The following STPG2 variants were observed in gnomAD, a reference collection of about 807,000 sequenced individuals.
STPG2 encodes sperm-tail PG-rich repeat-containing protein 2.
Under a neutral mutation model 54.2 loss-of-function variants are expected in STPG2, and 56 were observed. The observed-to-expected ratio is 1.03, with a 90% CI of 0.83 to 1.29. The LOEUF is 1.29. STPG2 is among the 50% of genes most tolerant of loss of function. The pLI is 0.00. For synonymous variants in STPG2, 200 were observed against 181.8 expected, an observed-to-expected ratio of 1.10 and a Z score of -0.81; for missense variants, 596 against 544.9, an observed-to-expected ratio of 1.09 and a Z score of -0.93.
At chr4:98,138,868 T>C (rs1441829662) in intron 1 of STPG2, among the ~76,000 whole-genome samples, 3 of 152,080 alleles carry the variant, frequency 2.0e-5, no homozygotes, top group Admixed American at 1.3e-4. Context: ...AGCTAACTAA[T>C]AGAGAACCAA....
chr4:97,941,168 G>C (rs182456084), intron 8 of STPG2, among the ~76,000 whole-genome samples: 5 of 151,942 alleles, frequency 3.3e-5, no homozygotes, highest in Admixed American at 2.6e-4. Context: ...TGCTAAGCTA[G>C]TACCTGACAT....
At chr4:97,746,643 G>C (rs1725427768) in intron 9 of STPG2, among the ~76,000 whole-genome samples, 1 of 151,188 alleles carries the variant, frequency 6.6e-6, no homozygotes, top group African/African-American at 2.4e-5. Context: ...AATCACAAAG[G>C]TATTAATGAC....
intron 8 of STPG2, among the ~76,000 whole-genome samples, chr4:97,847,148 A>C (rs1249662846): frequency 6.6e-6 from 1 of 152,160 alleles, no homozygotes; most frequent in Non-Finnish European, 1.5e-5. Context: ...ATATTCAGAA[A>C]ACTTTGTTTA....
chr4:97,948,949 G>T (rs973339239), intron 7 of STPG2, among the ~76,000 whole-genome samples: 1 of 151,770 alleles, frequency 6.6e-6, no homozygotes, highest in Non-Finnish European at 1.5e-5. Context: ...GAGTGTTTAA[G>T]ACCATTGTTT....
chr4:97,627,401 GTT>G (rs2148929545), intron 10 of STPG2, among the ~76,000 whole-genome samples: 1 of 152,126 alleles, frequency 6.6e-6, no homozygotes, highest in Non-Finnish European at 1.5e-5. Flanking sequence ...TTACAAAACT[GTT>G]TTTAAAAAAT....
At chr4:97,695,142 C>T (rs1026588006) in intron 10 of STPG2, among the ~76,000 whole-genome samples, 3 of 149,640 alleles carry the variant, frequency 2.0e-5, no homozygotes, top group Admixed American at 6.7e-5. Flanking sequence ...AAAGATAATC[C>T]ACCGTGATCA....
intron 9 of STPG2, among the ~76,000 whole-genome samples, chr4:97,770,749 A>G (rs1726192905): frequency 6.6e-6 from 1 of 152,204 alleles, no homozygotes; most frequent in South Asian, 2.1e-4. Flanking sequence ...TGTGATTGAG[A>G]GTACCAGAGG....
chr4:97,921,963 T>A (rs1379048161), intron 8 of STPG2, among the ~76,000 whole-genome samples: 1 of 152,156 alleles, frequency 6.6e-6, no homozygotes, highest in African/African-American at 2.4e-5. Flanking sequence ...ATGTTGAATG[T>A]AAGGAAATTG....
intron 10 of STPG2, among the ~76,000 whole-genome samples, chr4:97,666,457 T>G (rs1010474270): frequency 6.6e-6 from 1 of 152,224 alleles, no homozygotes; most frequent in Non-Finnish European, 1.5e-5. Context: ...AAGAAATGCC[T>G]TTTAGATTTT....
Position 97,869,556 on chromosome 4 carries a change from G to A in STPG2, c.1045-28624C>T, listed in dbSNP as rs1442301450. 6.6e-5 allele frequency among the ~76,000 whole-genome samples: 10 copies of A among 151,574 alleles called. No homozygotes were observed. In the Admixed American group the frequency reaches 6.6e-4, roughly 10 times the overall value. Reference sequence around the variant, plus strand: ...GCAGTTATAGGAGATAAATGGAAAAGACAACCCTTGATTAGCAGGGTTCAG... The same window carrying A: ...GCAGTTATAGGAGATAAATGGAAAAAACAACCCTTGATTAGCAGGGTTCAG... On this transcript the variant is annotated intron_variant, in intron 8 of 10. Coordinates refer to ENST00000295268, the MANE Select transcript of STPG2 (RefSeq NM_174952.3).
intron 8 of STPG2, among the ~76,000 whole-genome samples, chr4:97,897,852 G>A (rs1731019434): frequency 6.6e-6 from 1 of 152,118 alleles, no homozygotes; most frequent in South Asian, 2.1e-4. Context: ...CCATTCTGTA[G>A]GTTGTCTGTT....
At chr4:97,725,959 G>A (rs1009452499) in intron 9 of STPG2, among the ~76,000 whole-genome samples, 1 of 151,696 alleles carries the variant, frequency 6.6e-6, no homozygotes, top group East Asian at 1.9e-4. Flanking sequence ...TGATCGTATT[G>A]GCATCAGCAA....
At chr4:97,572,788 T>C (rs1732633336) in intron 10 of STPG2, 1 of 152,152 alleles carries the variant, frequency 6.6e-6, no homozygotes, top group African/African-American at 2.4e-5. Flanking sequence ...CATTCATTTC[T>C]GGTTTATATG....
chr4:98,097,951 A>G (rs895264337), intron 5 of STPG2, among the ~76,000 whole-genome samples: 1 of 152,150 alleles, frequency 6.6e-6, no homozygotes, highest in African/African-American at 2.4e-5. Context: ...GCTATAAAAC[A>G]CTGATGAAAG....
rs555129803 is a variant in STPG2 at position 97,660,523 on chromosome 4, G to A, written c.1320+52176C>T. ...AAACTTCTTAAACACTTTCTAGAAT[G>A]AATGGGAAAGGATGAGTTCTCTCTT... On this transcript the variant is annotated intron_variant, in intron 10 of 10. Transcript: ENST00000295268. 1.5e-3 allele frequency among the ~76,000 whole-genome samples: 235 copies of A among 152,320 alleles called. 1 individual carries two copies. Among genetic ancestry groups the A allele is most frequent in the African/African-American group, 5.6e-3 (232 of 41,578 alleles).
chr4:97,600,674 G>C (rs1733434116), intron 10 of STPG2, among the ~76,000 whole-genome samples: 1 of 152,114 alleles, frequency 6.6e-6, no homozygotes, highest in Middle Eastern at 3.4e-3. Context: ...GTCACACACA[G>C]ACACACACAT....
At chr4:97,564,064 G>T (rs750023678) in intron 10 of STPG2, among the ~76,000 whole-genome samples, 1 of 152,198 alleles carries the variant, frequency 6.6e-6, no homozygotes, top group Non-Finnish European at 1.5e-5. Flanking sequence ...TTGTGTGAGA[G>T]TCTAAGTCTC....
chr4:98,105,283 T>C (rs1739157820), intron 5 of STPG2, among the ~76,000 whole-genome samples: 1 of 152,170 alleles, frequency 6.6e-6, no homozygotes, highest in Non-Finnish European at 1.5e-5. Flanking sequence ...AAGTTTTCCT[T>C]TTAACAGATG....
intron 7 of STPG2, among the ~76,000 whole-genome samples, chr4:97,957,074 T>C (rs1733698709): frequency 7.1e-6 from 1 of 141,690 alleles, no homozygotes; most frequent in Admixed American, 7.6e-5. Context: ...GAAATAAATA[T>C]ATATATATGT....
Sources: allele counts gnomAD v4.1 joint callset (sites outside exome capture counted in the v4.1 genomes callset), GRCh38; gene constraint gnomAD v4.1.1; transcripts MANE v1.5; gene names NCBI Gene and HGNC (gene_info 2026-07-23, HGNC 2026-07-21).